The following TTC23 variants were observed in gnomAD, a reference collection of about 807,000 sequenced individuals.
The protein encoded by TTC23 is tetratricopeptide repeat protein 23.
TTC23 carries 58 observed loss-of-function variants against 55.1 expected under a neutral mutation model. The ratio of observed to expected loss-of-function variants is 1.05; its 90% CI spans 0.85 to 1.31. TTC23 has a LOEUF of 1.31. Among genes scored for constraint, TTC23 ranks in the 50% most tolerant of loss-of-function variants. TTC23 has a pLI of 0.00. For missense variants in TTC23, 516 were observed against 534.4 expected, an observed-to-expected ratio of 0.97 and a Z score of 0.34; for synonymous variants, 203 against 199.9, an observed-to-expected ratio of 1.02 and a Z score of -0.13.
At chr15:99,221,468 G>T (rs771433586) in intron 6 of TTC23, among the ~76,000 whole-genome samples, 18 of 152,020 alleles carry the variant, frequency 1.2e-4, no homozygotes, top group Admixed American at 6.6e-5. Context: ...TGGCCCAACA[G>T]ATTAATTTTC....
At chr15:99,220,749 T>A (rs1316620933) in intron 6 of TTC23, among the ~76,000 whole-genome samples, 1 of 152,224 alleles carries the variant, frequency 6.6e-6, no homozygotes, top group Non-Finnish European at 1.5e-5. Flanking sequence ...AAAGTTAGCA[T>A]CACCATTACC....
intron 12 of TTC23, among the ~76,000 whole-genome samples, chr15:99,142,682 G>C (rs1434658705): frequency 3.3e-5 from 5 of 152,180 alleles, no homozygotes; most frequent in African/African-American, 1.2e-4. Context: ...TCTAGGGAAA[G>C]ACATACAGCA....
intron 10 of TTC23, among the ~76,000 whole-genome samples, chr15:99,171,915 C>A (rs1383134404): frequency 6.6e-6 from 1 of 152,046 alleles, no homozygotes; most frequent in African/African-American, 2.4e-5. Flanking sequence ...ATCCTCCAGG[C>A]CTAATGCAGA....
chr15:99,167,063 C>T (rs368952455), intron 10 of TTC23, among the ~76,000 whole-genome samples: 16 of 152,118 alleles, frequency 1.1e-4, no homozygotes, highest in Admixed American at 7.2e-4. Flanking sequence ...CAGCCTTTGA[C>T]GGGAGGGCAA....
At chr15:99,159,859 G>A (rs550704922) in intron 11 of TTC23, 1 of 152,396 alleles carries the variant, frequency 6.6e-6, no homozygotes, top group African/African-American at 2.4e-5. Context: ...CTGAGAGATA[G>A]GAACTTGTTA....
intron 3 of TTC23, among the ~76,000 whole-genome samples, chr15:99,239,570 A>G (rs534307892): frequency 6.6e-6 from 1 of 152,360 alleles, no homozygotes; most frequent in Non-Finnish European, 1.5e-5. Context: ...TTTAACAGGA[A>G]AGCTTTGCCT....
chr15:99,201,899 G>A (rs2076231529), intron 8 of TTC23, among the ~76,000 whole-genome samples: 1 of 152,154 alleles, frequency 6.6e-6, no homozygotes, highest in South Asian at 2.1e-4. Flanking sequence ...GAAACATATG[G>A]TTGGTAAGAA....
At chr15:99,145,349 A>C (rs868910201) in intron 12 of TTC23, 13 of 152,208 alleles carry the variant, frequency 8.5e-5, no homozygotes, top group African/African-American at 3.1e-4. Context: ...AAAATACATA[A>C]ATAAACGTGT....
Position 99,165,280 on chromosome 15 carries a change from T to C in TTC23, c.866-3413A>G, listed in dbSNP as rs141648784. On this transcript the variant is annotated intron_variant, in intron 10 of 13. Transcript: ENST00000394132. ...CAAAAGACACAGAAGTCTAGCATCCTTTGCAGATAAACAGCCCTGTACACC... is the reference window on the plus strand; with the variant it reads ...CAAAAGACACAGAAGTCTAGCATCCCTTGCAGATAAACAGCCCTGTACACC... Among the ~76,000 whole-genome samples, 285 of 152,298 alleles carry C rather than the reference T, an allele frequency of 1.9e-3. 1 individual carries two copies. Among genetic ancestry groups the C allele is most frequent in the African/African-American group, 6.4e-3 (267 of 41,552 alleles).
At chr15:99,178,013 G>T (rs559216780) in intron 9 of TTC23, among the ~76,000 whole-genome samples, 12 of 152,028 alleles carry the variant, frequency 7.9e-5, no homozygotes, top group African/African-American at 2.4e-4. Context: ...GACCCTGTCT[G>T]TACTAAAAAA....
chr15:99,219,134 A>T, intron 6 of TTC23, 86 bp from the exon 7 acceptor site: 1 of 1,474,556 alleles, frequency 6.8e-7, no homozygotes, highest in African/African-American at 1.4e-5. Context: ...GAATCTAACA[A>T]GGTCTCCTTC....
intron 10 of TTC23, among the ~76,000 whole-genome samples, chr15:99,170,382 TC>T: frequency 6.6e-6 from 1 of 152,218 alleles, no homozygotes; most frequent in Admixed American, 6.5e-5. Flanking sequence ...GAGAAATTTT[TC>T]TCATTAATAA....
intron 10 of TTC23, among the ~76,000 whole-genome samples, chr15:99,170,203 T>C (rs1273040411): frequency 6.6e-6 from 1 of 152,098 alleles, no homozygotes; most frequent in Non-Finnish European, 1.5e-5. Context: ...CGTGACTTCT[T>C]GGGCAGTTTT....
In TTC23 at chr15:99,175,096, G is replaced by A. The variant is rs1358755340; in HGVS notation, c.819C>T (p.His273=). The A allele has an allele frequency of 2.5e-6, 4 of 1,614,224 alleles. No homozygotes were observed. The Admixed American group carries it at 5.0e-5, about 20-fold the overall frequency. The change falls in exon 10 of 14, where the codon CAC becomes CAT. Residue 273 remains histidine, a synonymous_variant. Coordinates refer to ENST00000394132, the MANE Select transcript of TTC23 (RefSeq NM_001288615.3). ...AAGCGACAGCAGCATGGGCGACGATGTGTGCCGAGTCTGCTGCCTCCACTT... is the reference window on the plus strand; with the variant it reads ...AAGCGACAGCAGCATGGGCGACGATATGTGCCGAGTCTGCTGCCTCCACTT... The part of the protein sequence containing the change: ...PSQVEAADSA[H]IVAHAAVASG...
At chr15:99,202,573 T>C (rs965055625) in intron 8 of TTC23, among the ~76,000 whole-genome samples, 9 of 152,160 alleles carry the variant, frequency 5.9e-5, no homozygotes, top group Non-Finnish European at 8.8e-5. Context: ...TAAAGAAAAG[T>C]GTTTGGGGGT....
chr15:99,228,447 A>G, intron 5 of TTC23, 86 bp downstream of exon 5: 1 of 1,249,654 alleles, frequency 8.0e-7, no homozygotes. Flanking sequence ...GAGATTAGGA[A>G]TGTAATCCAA....
At chr15:99,222,669 C>G (rs555098771) in intron 5 of TTC23, among the ~76,000 whole-genome samples, 1 of 152,188 alleles carries the variant, frequency 6.6e-6, no homozygotes, top group Non-Finnish European at 1.5e-5. Flanking sequence ...GATCTCAGAG[C>G]AGCCATATCC....
At chr15:99,188,978 C>T (rs1198939244) in intron 9 of TTC23, among the ~76,000 whole-genome samples, 1 of 152,048 alleles carries the variant, frequency 6.6e-6, no homozygotes, top group Non-Finnish European at 1.5e-5. Flanking sequence ...AATATATACT[C>T]CCTTCAACCT....
intron 11 of TTC23, chr15:99,157,403 G>C (rs2070760346): frequency 6.6e-6 from 1 of 151,920 alleles, no homozygotes; most frequent in South Asian, 2.1e-4. Context: ...GTAGAGACAG[G>C]GTTTCACCAT....
Sources: gnomAD v4.1 joint callset for allele counts (sites outside exome capture counted in the v4.1 genomes callset) on GRCh38, gnomAD v4.1.1 for gene constraint, MANE v1.5 for transcripts, NCBI Gene and HGNC (gene_info 2026-07-23, HGNC 2026-07-21) for gene names.